Variants in DUS3L observed in about 807,000 individuals in gnomAD.
DUS3L encodes tRNA-dihydrouridine(47) synthase [NAD(P)(+)]-like.
Under a neutral mutation model 74.6 loss-of-function variants are expected in DUS3L, and 62 were observed. The observed-to-expected ratio is 0.83, with a 90% CI of 0.68 to 1.03. The LOEUF is 1.03. Ranked by LOEUF, DUS3L falls within the 50% of genes least tolerant of loss-of-function variation. The pLI, the probability that DUS3L is intolerant of heterozygous loss-of-function variation, is 0.00. For synonymous variants in DUS3L, 433 were observed against 395.7 expected (o/e 1.09, Z -1.12); for missense variants, 884 against 924.4 (o/e 0.96, Z 0.57).
rs1305654328 is a variant in DUS3L at position 5,786,452 on chromosome 19, T to A, written c.1562+15A>T. On this transcript the variant is annotated intron_variant, in intron 10 of 12. Coordinates refer to ENST00000309061, the MANE Select transcript of DUS3L (RefSeq NM_020175.3). ...TGTGCATGAAGCTGGATCTCTAACATCCCTGGGCACTTACCGGGCAATCAT... is the reference window on the plus strand; with the variant it reads ...TGTGCATGAAGCTGGATCTCTAACAACCCTGGGCACTTACCGGGCAATCAT... 2.5e-6 allele frequency: 4 copies of A among 1,611,860 alleles called. No homozygotes were observed. Among genetic ancestry groups the A allele is most frequent in the Non-Finnish European group, 3.4e-6 (4 of 1,179,528 alleles).
Position 5,787,588 on chromosome 19 carries a change from CCTT to C in DUS3L, c.1210_1212del (p.Lys404del). ...CCGAGGCACACGTCCAGGGCCGCTA[CCTT>C]CTTGTACACGAGGTCGATGGGGCAG... is the stretch of plus-strand genomic sequence containing the variant. On this transcript the variant is annotated inframe_deletion and splice_region_variant, in exon 6 of 13. Transcript: ENST00000309061. 6.2e-7 allele frequency: 1 copy of C among 1,613,238 alleles called. No homozygotes were observed. Among genetic ancestry groups the C allele is most frequent in the East Asian group, 2.2e-5 (1 of 44,874 alleles).
chr19:5,785,387 T>A lies in DUS3L; in HGVS notation c.1876A>T (p.Ile626Phe), dbSNP rs956500052. The A allele has an allele frequency of 6.2e-7, 1 of 1,600,058 alleles. No individual in the cohort carries two copies. Among genetic ancestry groups the A allele is most frequent in the South Asian group, 1.1e-5 (1 of 89,448 alleles). The change falls in exon 12 of 13, where the codon ATC becomes TTC. Residue 626 changes from isoleucine to phenylalanine, a missense_variant. Coordinates refer to ENST00000309061, the MANE Select transcript of DUS3L (RefSeq NM_020175.3). ...ASQKAADWIR[I>F]SEMLLGPVPP... is the part of the protein sequence containing the mutation. The stretch of plus-strand genomic sequence containing the variant: ...AACTCCAGCCCACCCAGGCACCTGA[T>A]GCGGATCCAGTCGGCTGCCTTCTGG...
Position 5,785,415 on chromosome 19 carries a change from G to A in DUS3L, c.1848C>T (p.Ala616=), listed in dbSNP as rs2056831344. The A allele has an allele frequency of 2.5e-6, 4 of 1,594,522 alleles. No homozygotes were observed. Among genetic ancestry groups the A allele is most frequent in the Non-Finnish European group, 3.4e-6 (4 of 1,170,016 alleles). The change falls in exon 12 of 13, where the codon GCC becomes GCT. Residue 616 remains alanine (A), a synonymous_variant. Transcript: ENST00000309061. The part of the protein sequence containing the change: ...LGRDYLETLM[A]SQKAADWIRI... ...GGATCCAGTCGGCTGCCTTCTGGCT[G>A]GCCATCAGCGTCTCCAGGTAGTCGC...
Position 5,786,810 on chromosome 19 carries a change from C to T in DUS3L, c.1425G>A (p.Lys475=), listed in dbSNP as rs909019654. 6.2e-7 allele frequency: 1 copy of T among 1,611,854 alleles called. No individual in the cohort carries two copies. The highest frequency in any genetic ancestry group is 8.5e-7 in the Non-Finnish European group (1 of 1,179,768). ...HGRSREQRYT[K]LADWQYIEEC... Reference sequence around the variant, plus strand: ...CCTCGATGTACTGCCAGTCGGCTAGCTTGGTGTAGCGCTGCTCCCGAGAGC... The same window carrying T: ...CCTCGATGTACTGCCAGTCGGCTAGTTTGGTGTAGCGCTGCTCCCGAGAGC... Residue 475 remains lysine, a synonymous_variant, in exon 9 of 13, where the codon AAG becomes AAA. Transcript: ENST00000309061.
In DUS3L at chr19:5,790,221, C is replaced by T. The variant is rs749571125; in HGVS notation, c.213G>A (p.Glu71=). Residue 71 remains glutamate (E), a synonymous_variant, in exon 2 of 13, where the codon GAG becomes GAA. Transcript: ENST00000309061. ...CATCCTCCAGTCGGATCCGCTTAGC[C>T]TCAGGCTCAGCCAGCTCATTGCCAG... ...DPAGNELAEP[E]AKRIRLEDGQ... The T allele has an allele frequency of 1.2e-6, 2 of 1,614,222 alleles. No individual in the cohort carries two copies. The highest frequency in any genetic ancestry group is 1.7e-6 in the Non-Finnish European group (2 of 1,180,042).
chr19:5,788,903 C>T (rs541385558), intron 3 of DUS3L, among the ~76,000 whole-genome samples: 1 of 152,262 alleles, frequency 6.6e-6, no homozygotes, highest in East Asian at 1.9e-4. Context: ...GATAGGGTTT[C>T]ACCATGATGG....
Position 5,791,156 on chromosome 19 carries a change from T to C in DUS3L, c.-15A>G, listed in dbSNP as rs2290776. The C allele has an allele frequency of 0.23, 370,889 of 1,592,852 alleles. 56,527 individuals carry two copies. Among genetic ancestry groups the C allele is most frequent in the African/African-American group, 0.71 (52,894 of 74,662 alleles). On this transcript the variant is annotated 5_prime_UTR_variant, in exon 1 of 13. The change abolishes an upstream ATG in the 5' untranslated region. Transcript: ENST00000309061. ...CCCTCCGCCATCGGCGCCCCTCACA[T>C]CCGCTCTGGAGTGTGGCGGGAAGAC...
Position 5,789,474 on chromosome 19 carries a change from G to T in DUS3L, c.633C>A (p.Asp211Glu). 6.2e-7 allele frequency: 1 copy of T among 1,603,562 alleles called. No individual in the cohort carries two copies. Residue 211 changes from aspartate (D) to glutamate (E), a missense_variant, in exon 3 of 13, where the codon GAC becomes GAA. By Grantham distance (45) the Asp-to-Glu change is conservative (BLOSUM62 2). Coordinates refer to ENST00000309061, the MANE Select transcript of DUS3L (RefSeq NM_020175.3). ...TQPPSIRNGLDKALQQQLRKR... is the reference protein window; with the variant it reads ...TQPPSIRNGLEKALQQQLRKR... Reference sequence around the variant, plus strand: ...TCCGCAGCTGCTGCTGCAGGGCTTTGTCCAGGCCGTTGCGGATGGACGGGG... The same window carrying T: ...TCCGCAGCTGCTGCTGCAGGGCTTTTTCCAGGCCGTTGCGGATGGACGGGG...
Position 5,790,409 on chromosome 19 carries a change from T to G in DUS3L, c.99-74A>C, listed in dbSNP as rs1261023023. On this transcript the variant is annotated intron_variant, in intron 1 of 12. Coordinates refer to ENST00000309061, the MANE Select transcript of DUS3L (RefSeq NM_020175.3). ...ACTGGGGAAAGGAGGCTAGAAACACTTGCACGTCCTTAAATCCTTCTGCTG... is the reference window on the plus strand; with the variant it reads ...ACTGGGGAAAGGAGGCTAGAAACACGTGCACGTCCTTAAATCCTTCTGCTG... 3.2e-6 allele frequency: 5 copies of G among 1,563,084 alleles called. No individual in the cohort carries two copies. The African/African-American group carries it at 5.4e-5, about 17-fold the overall frequency.
rs774331581 is a variant in DUS3L at position 5,785,710 on chromosome 19, G to A, written c.1644C>T (p.Asp548=). ...CGTAGTTGGTGAAGTCCCGCAGGAT[G>A]TCCAGGCGCTCGGACGACGAGATGT... ...HWDISSSERL[D]ILRDFTNYGL... is the part of the protein sequence containing the mutation. The change falls in exon 11 of 13, where the codon GAC becomes GAT. Residue 548 remains aspartate (D), a synonymous_variant. Coordinates refer to ENST00000309061, the MANE Select transcript of DUS3L (RefSeq NM_020175.3). 1.2e-5 allele frequency: 20 copies of A among 1,612,292 alleles called. No homozygotes were observed. Among genetic ancestry groups the A allele is most frequent in the Admixed American group, 5.0e-5 (3 of 59,928 alleles).
chr19:5,786,693 G>A (rs747343251), intron 9 of DUS3L, 56 bp downstream of exon 9: 8 of 1,593,886 alleles, frequency 5.0e-6, no homozygotes, highest in Non-Finnish European at 5.1e-6. Flanking sequence ...ACAGCCCAGA[G>A]GTGTGAGTGA....
In DUS3L at chr19:5,786,534, C is replaced by T. The variant is rs1443775794; in HGVS notation, c.1495G>A (p.Asp499Asn). 1.2e-6 allele frequency: 2 copies of T among 1,612,854 alleles called. No homozygotes were observed. The highest frequency in any genetic ancestry group is 1.7e-6 in the Non-Finnish European group (2 of 1,179,924). The change falls in exon 10 of 13, where the codon GAC becomes AAC. Residue 499 changes from aspartate (D) to asparagine (N), a missense_variant. Asp to Asn is a conservative substitution (Grantham distance 23, BLOSUM62 1). Transcript: ENST00000309061. ...TTGGCATCCTCAAATGACAAGATGTCCCCATTTCCTGAGGAGACAGAGGCT... is the reference window on the plus strand; with the variant it reads ...TTGGCATCCTCAAATGACAAGATGTTCCCATTTCCTGAGGAGACAGAGGCT... ...ASPMPLFGNGDILSFEDANRA... is the reference protein window; with the variant it reads ...ASPMPLFGNGNILSFEDANRA...
In DUS3L at chr19:5,789,354, G is replaced by A. The variant is rs767299174; in HGVS notation, c.753C>T (p.Ala251=). ...PAAAVPEGTA[A]EGAPRQENCG... ...AGTTTTCCTGCCTGGGAGCGCCCTC[G>A]GCTGCCGTGCCCTCGGGGACAGCGG... The change falls in exon 3 of 13, where the codon GCC becomes GCT. Residue 251 remains alanine, a synonymous_variant. Coordinates refer to ENST00000309061, the MANE Select transcript of DUS3L (RefSeq NM_020175.3). The A allele has an allele frequency of 5.6e-6, 9 of 1,597,998 alleles. No homozygotes were observed. The highest frequency in any genetic ancestry group is 1.3e-5 in the African/African-American group (1 of 74,446).
At position 5,791,049 on chromosome 19, in the gene DUS3L, C is replaced by A. The variant is rs369940485; in HGVS notation, c.93G>T (p.Lys31Asn). The A allele has an allele frequency of 1.2e-6, 2 of 1,601,960 alleles. No individual in the cohort carries two copies. The highest frequency in any genetic ancestry group is 1.7e-6 in the Non-Finnish European group (2 of 1,174,700). The change falls in exon 1 of 13, where the codon AAG becomes AAT. Residue 31 changes from lysine to asparagine, a missense_variant. Lys to Asn is a moderately conservative substitution (Grantham distance 94, BLOSUM62 0). Transcript: ENST00000309061. ...GALERGVAPI[K>N]RQYLTTKEQF... ...CTCCTGCCCCGGCGACTCACTGACGCTTAATGGGCGCCACTCCTCGTTCCA... is the reference window on the plus strand; with the variant it reads ...CTCCTGCCCCGGCGACTCACTGACGATTAATGGGCGCCACTCCTCGTTCCA...
In DUS3L at chr19:5,789,489, G is replaced by C. The variant is rs1220105405; in HGVS notation, c.618C>G (p.Ile206Met). 1 of 1,604,694 alleles carries C rather than the reference G, an allele frequency of 6.2e-7. No individual in the cohort carries two copies. The highest frequency in any genetic ancestry group is 2.2e-5 in the East Asian group (1 of 44,822). The change falls in exon 3 of 13, where the codon ATC becomes ATG. Residue 206 changes from isoleucine to methionine, a missense_variant. Transcript: ENST00000309061. ...GCAGGGCTTTGTCCAGGCCGTTGCGGATGGACGGGGGCTGGGTCCCGCGGG... is the reference window on the plus strand; with the variant it reads ...GCAGGGCTTTGTCCAGGCCGTTGCGCATGGACGGGGGCTGGGTCCCGCGGG... ...LAARGTQPPSIRNGLDKALQQ... is the reference protein window; with the variant it reads ...LAARGTQPPSMRNGLDKALQQ...
Position 5,785,195 on chromosome 19 carries a change from G to C in DUS3L, c.*8C>G. On this transcript the variant is annotated 3_prime_UTR_variant, in exon 13 of 13. Transcript: ENST00000309061. Reference sequence around the variant, plus strand: ...CTCGCCCCAGGGTGCCCCTGGGAAAGCCTGAGGCTACTTGTACGCGTTGGC... The same window carrying C: ...CTCGCCCCAGGGTGCCCCTGGGAAACCCTGAGGCTACTTGTACGCGTTGGC... 1 of 1,601,358 alleles carries C rather than the reference G, an allele frequency of 6.2e-7. No individual in the cohort carries two copies. The highest frequency in any genetic ancestry group is 8.5e-7 in the Non-Finnish European group (1 of 1,174,574).
Position 5,786,851 on chromosome 19 carries a change from G to C in DUS3L, c.1390-6C>G. ...TCCCGAGAGCGGCCGTGGAGCTGGG[G>C]GAGAAGCCGCCACGCAGGGTAGGAG... On this transcript the variant is annotated splice_region_variant and splice_polypyrimidine_tract_variant and intron_variant, in intron 8 of 12. Transcript: ENST00000309061. 6.2e-7 allele frequency: 1 copy of C among 1,605,368 alleles called. No homozygotes were observed. Among genetic ancestry groups the C allele is most frequent in the Non-Finnish European group, 8.5e-7 (1 of 1,177,024 alleles).
At chr19:5,787,226 T>TGGTGGGAGATGGC (rs2056860745) in intron 7 of DUS3L, 55 bp from the exon 8 acceptor site, 2 of 1,262,352 alleles carry the variant, frequency 1.6e-6, no homozygotes, top group Admixed American at 4.8e-5. Flanking sequence ...TGGGAGACGG[T>TGGTGGGAGATGGC]GGGAGGTGGT....
chr19:5,786,662 G>T, intron 9 of DUS3L, 87 bp downstream of exon 9: 15 of 1,572,864 alleles, frequency 9.5e-6, no homozygotes, highest in Non-Finnish European at 1.1e-5. Context: ...TGGTACGAGG[G>T]GGTCCCAAGT....
Sources: allele counts gnomAD v4.1 joint callset (sites outside exome capture counted in the v4.1 genomes callset), GRCh38; gene constraint gnomAD v4.1.1; transcripts MANE v1.5; gene names NCBI Gene and HGNC (gene_info 2026-07-23, HGNC 2026-07-21).